ITPR2: variants seen among roughly 807,000 people sequenced by gnomAD.
The protein encoded by ITPR2 is inositol 1,4,5-trisphosphate receptor type 2.
In ITPR2, 207 loss-of-function variants were observed where a neutral mutation model predicts 317.1. The ratio of observed to expected loss-of-function variants is 0.65; its 90% CI spans 0.58 to 0.73. ITPR2 has a LOEUF of 0.73. Ranked by LOEUF, ITPR2 falls within the 30% of genes least tolerant of loss-of-function variation. The probability of loss-of-function intolerance (pLI) is 0.00; values close to 1 mark genes in which losing one functional copy is unlikely to be tolerated. For synonymous variants in ITPR2, 1,156 were observed against 1,149.1 expected (o/e 1.01, Z -0.12); for missense variants, 2,613 against 3,284.0 (o/e 0.80, Z 4.99).
chr12:26,599,124 A>C, intron 30 of ITPR2, 21 bp downstream of exon 30: 1 of 1,610,040 alleles, frequency 6.2e-7, no homozygotes, highest in Non-Finnish European at 8.5e-7. Flanking sequence ...GAAGCTGATA[A>C]AAGGCAAACT....
At chr12:26,480,032 TATC>T (rs1185045295) in intron 43 of ITPR2, among the ~76,000 whole-genome samples, 10 of 152,240 alleles carry the variant, frequency 6.6e-5, no homozygotes, top group South Asian at 2.1e-4. Flanking sequence ...ATTAGAAAAA[TATC>T]ATTCCTATTC....
rs202017437 is a variant in ITPR2, at chr12:26,656,319, G to T, written c.2422C>A (p.Pro808Thr). 3.7e-6 allele frequency: 6 copies of T among 1,614,126 alleles called. No homozygotes were observed. The highest frequency in any genetic ancestry group is 5.1e-6 in the Non-Finnish European group (6 of 1,180,020). Residue 808 changes from proline to threonine, a missense_variant, in exon 19 of 57, where the codon CCC becomes ACC. Pro to Thr is a conservative substitution (Grantham distance 38, BLOSUM62 -1). Transcript: ENST00000381340. Reference protein sequence around the residue: ...VRYARLWTEIPTKITIHEYDS... With the variant: ...VRYARLWTEITTKITIHEYDS... ...TACTCATGAATTGTGATCTTTGTGG[G>T]GATTTCTGTCCAGAGCCTGGCATAG...
At chr12:26,565,368 G>GAA in intron 34 of ITPR2, among the ~76,000 whole-genome samples, 2 of 151,998 alleles carry the variant, frequency 1.3e-5, no homozygotes, top group African/African-American at 4.8e-5. Flanking sequence ...AATGGTTATA[G>GAA]CAGAACTATA....
intron 2 of ITPR2, among the ~76,000 whole-genome samples, chr12:26,726,582 T>C (rs1167799260): frequency 6.6e-6 from 1 of 152,174 alleles, no homozygotes; most frequent in Non-Finnish European, 1.5e-5. Flanking sequence ...ATTTTTCTCA[T>C]AAAAAACTGT....
intron 37 of ITPR2, among the ~76,000 whole-genome samples, chr12:26,548,371 G>A (rs576948653): frequency 6.6e-6 from 1 of 152,222 alleles, no homozygotes; most frequent in South Asian, 2.1e-4. Context: ...GGTGTGAAGT[G>A]GAGAGGACAA....
At chr12:26,401,767 A>C (rs891972706) in intron 52 of ITPR2, among the ~76,000 whole-genome samples, 3 of 152,242 alleles carry the variant, frequency 2.0e-5, no homozygotes, top group Admixed American at 6.5e-5. Flanking sequence ...TTCGTTAAGA[A>C]AAGGCTAATT....
chr12:26,784,341 C>G (rs1395660319), intron 2 of ITPR2, among the ~76,000 whole-genome samples: 2 of 54,788 alleles, frequency 3.7e-5, no homozygotes, highest in African/African-American at 9.2e-5. Flanking sequence ...CCCTCTCCCT[C>G]TCCCTCTCCC....
At chr12:26,421,052 T>A (rs1418538513) in intron 49 of ITPR2, among the ~76,000 whole-genome samples, 2 of 152,162 alleles carry the variant, frequency 1.3e-5, no homozygotes, top group African/African-American at 4.8e-5. Context: ...GTTTATATGA[T>A]TTCTAATTCT....
chr12:26,370,213 G>A (rs1283382185), intron 55 of ITPR2, among the ~76,000 whole-genome samples: 1 of 152,174 alleles, frequency 6.6e-6, no homozygotes, highest in Non-Finnish European at 1.5e-5. Context: ...CAAAGTATGA[G>A]TGGCCTGGGG....
At chr12:26,347,627 C>T (rs144640668) in intron 55 of ITPR2, among the ~76,000 whole-genome samples, 111 of 152,314 alleles carry the variant, frequency 7.3e-4, no homozygotes, top group African/African-American at 2.6e-3. Context: ...GATCACTCTG[C>T]ATGTCTAATG....
intron 36 of ITPR2, among the ~76,000 whole-genome samples, chr12:26,554,169 C>T (rs1366729636): frequency 1.3e-5 from 2 of 152,210 alleles, no homozygotes; most frequent in African/African-American, 4.8e-5. Flanking sequence ...AGACCAGTAT[C>T]TCCAAGTTCT....
At chr12:26,432,722 C>A (rs553637644) in intron 48 of ITPR2, among the ~76,000 whole-genome samples, 1 of 152,218 alleles carries the variant, frequency 6.6e-6, no homozygotes, top group African/African-American at 2.4e-5. Flanking sequence ...AACATGAACT[C>A]CTGGATTCTT....
At chr12:26,549,338 G>A (rs1337163294) in intron 37 of ITPR2, among the ~76,000 whole-genome samples, 1 of 152,132 alleles carries the variant, frequency 6.6e-6, no homozygotes, top group Non-Finnish European at 1.5e-5. Context: ...ATATTTTGAA[G>A]CAATGCTCTT....
chr12:26,457,782 G>A (rs1376751246), intron 45 of ITPR2, among the ~76,000 whole-genome samples: 1 of 152,214 alleles, frequency 6.6e-6, no homozygotes, highest in Non-Finnish European at 1.5e-5. Flanking sequence ...TAACTGAACA[G>A]CCACAGGCAA....
chr12:26,543,490 T>C (rs1391798577), intron 37 of ITPR2, among the ~76,000 whole-genome samples: 2 of 151,968 alleles, frequency 1.3e-5, no homozygotes, highest in Non-Finnish European at 2.9e-5. Context: ...ATTTTAGAAA[T>C]CACATTGCCC....
intron 22 of ITPR2, chr12:26,630,463 C>T (rs1946723957): frequency 6.6e-6 from 1 of 151,320 alleles, no homozygotes; most frequent in Admixed American, 6.6e-5. Flanking sequence ...AAAAAGAAGA[C>T]CCAGGGGGAA....
At chr12:26,755,672 T>C (rs1949508042) in intron 2 of ITPR2, among the ~76,000 whole-genome samples, 2 of 152,240 alleles carry the variant, frequency 1.3e-5, no homozygotes, top group Non-Finnish European at 2.9e-5. Flanking sequence ...ATAAGTGCAA[T>C]ACAAATCTGT....
At chr12:26,779,089 C>G (rs1207405414) in intron 2 of ITPR2, among the ~76,000 whole-genome samples, 1 of 152,208 alleles carries the variant, frequency 6.6e-6, no homozygotes. Flanking sequence ...GCCTGCTGTG[C>G]AAGCTGCTCT....
chr12:26,589,315 C>A (rs1174872064), intron 32 of ITPR2, among the ~76,000 whole-genome samples: 1 of 151,582 alleles, frequency 6.6e-6, no homozygotes, highest in Non-Finnish European at 1.5e-5. Flanking sequence ...AGATAAGAGA[C>A]AAGGAAATGC....
Sources: allele counts gnomAD v4.1 joint callset (sites outside exome capture counted in the v4.1 genomes callset), GRCh38; gene constraint gnomAD v4.1.1; transcripts MANE v1.5; gene names NCBI Gene and HGNC (gene_info 2026-07-23, HGNC 2026-07-21).